Variants in BRD4 observed in about 807,000 individuals in gnomAD.
The protein encoded by BRD4 is bromodomain containing 4.
BRD4 carries 16 observed loss-of-function variants against 142.1 expected under a neutral mutation model. That is an observed-to-expected ratio of 0.11 (90% CI 0.08 to 0.17). The LOEUF (loss-of-function observed/expected upper bound fraction) is 0.17, where lower values mean the gene tolerates loss of function less well. BRD4 is among the 10% of genes least tolerant of loss of function. The probability of loss-of-function intolerance (pLI) is 1.00; values close to 1 mark genes in which losing one functional copy is unlikely to be tolerated. For synonymous variants in BRD4, 833 were observed against 707.5 expected (o/e 1.18, Z -2.82); for missense variants, 1,424 against 1,810.9 (o/e 0.79, Z 3.88).
Position 15,246,863 on chromosome 19 carries a change from C to T in BRD4, c.2159-2101G>A, listed in dbSNP as rs147879862. 1.3e-3 allele frequency among the ~76,000 whole-genome samples: 197 copies of T among 152,212 alleles called. 3 individuals carry two copies. Among genetic ancestry groups the T allele is most frequent in the African/African-American group, 4.6e-3 (192 of 41,538 alleles). The stretch of plus-strand genomic sequence containing the variant: ...TGGGGGAGAGAAGGCGGCATGTGCA[C>T]GGCAGACCCCCAGGACCAGATGCCT... On this transcript the variant is annotated intron_variant, in intron 11 of 19. Transcript: ENST00000679869.
intron 1 of BRD4, among the ~76,000 whole-genome samples, chr19:15,310,353 T>C (rs2047957009): frequency 1.0e-5 from 1 of 100,298 alleles, no homozygotes; most frequent in South Asian, 4.3e-4. Context: ...GGCTGATTTT[T>C]GGATTCCCCC....
rs1275494113 is a variant in BRD4 at position 15,264,497 on chromosome 19, G to A, written c.1119C>T (p.Ala373=). Residue 373 remains alanine, a synonymous_variant, in exon 6 of 20, where the codon GCC becomes GCT. Transcript: ENST00000679869. The stretch of plus-strand genomic sequence containing the variant: ...CGTCCACAGGCTTGTAGAAGGGCCA[G>A]GCGTAGGCGGCGTGCTTCTTGGCAA... ...EMFAKKHAAY[A]WPFYKPVDVE... 1.2e-6 allele frequency: 2 copies of A among 1,613,922 alleles called. No individual in the cohort carries two copies. The highest frequency in any genetic ancestry group is 2.7e-5 in the African/African-American group (2 of 74,958).
intron 1 of BRD4, among the ~76,000 whole-genome samples, chr19:15,315,916 G>A (rs967038176): frequency 1.3e-5 from 2 of 151,810 alleles, no homozygotes; most frequent in South Asian, 4.2e-4. Flanking sequence ...AGCACTTTGG[G>A]AGGCCGAGGC....
intron 1 of BRD4, among the ~76,000 whole-genome samples, chr19:15,277,477 G>T (rs528886772): frequency 6.6e-6 from 1 of 152,136 alleles, no homozygotes; most frequent in African/African-American, 2.4e-5. Context: ...TGATCAGCAA[G>T]TTGCTGTAAT....
chr19:15,241,805 CTTT>C (rs906788611), intron 14 of BRD4, among the ~76,000 whole-genome samples: 10 of 104,298 alleles, frequency 9.6e-5, no homozygotes, highest in East Asian at 2.8e-4. Flanking sequence ...TGGCACCTGA[CTTT>C]TTTTTTTTTT....
intron 1 of BRD4, chr19:15,332,039 G>T (rs973472144): frequency 7.2e-6 from 1 of 139,564 alleles, no homozygotes; most frequent in Non-Finnish European, 1.5e-5. Context: ...CGGCACCAAA[G>T]GCAGGACAGC....
intron 11 of BRD4, among the ~76,000 whole-genome samples, chr19:15,250,185 C>G (rs1049799014): frequency 6.6e-6 from 1 of 152,228 alleles, no homozygotes; most frequent in Non-Finnish European, 1.5e-5. Flanking sequence ...TCGCCCTCAC[C>G]CGCCCATGAA....
Position 15,264,574 on chromosome 19 carries a change from T to A in BRD4, c.1042A>T (p.Ser348Cys), listed in dbSNP as rs759815356. 6.2e-7 allele frequency: 1 copy of A among 1,614,190 alleles called. No individual in the cohort carries two copies. Among genetic ancestry groups the A allele is most frequent in the Non-Finnish European group, 8.5e-7 (1 of 1,180,026 alleles). ...CACTTGAGCTGCTCCGAGACCTTGC[T>A]GCTCTTCTCTGGTGCTGGGTGCTGC... ...SQQHPAPEKS[S>C]KVSEQLKCCS... The change falls in exon 6 of 20, where the codon AGC becomes TGC. Residue 348 changes from serine (S) to cysteine (C), a missense_variant. Ser to Cys is a moderately radical substitution (Grantham distance 112). Around this residue, in one of 16 missense-constraint regions of BRD4, gnomAD observed 86 missense variants for 79.9 expected, o/e 1.08. Transcript: ENST00000679869.
chr19:15,244,379 C>G lies in BRD4; in HGVS notation c.2433G>C (p.Gln811His). Residue 811 changes from glutamine to histidine, a missense_variant, in exon 13 of 20, where the codon CAG becomes CAC. Physicochemically the swap from Gln to His is conservative, Grantham distance 24. Around this residue, in one of 16 missense-constraint regions of BRD4, gnomAD observed 598 missense variants for 647.8 expected, o/e 0.92. Coordinates refer to ENST00000679869, the MANE Select transcript of BRD4 (RefSeq NM_001379291.1). The part of the protein sequence containing the change: ...IATQVPVLEP[Q>H]LPGSVFDPIG... ...TGGGGTCAAAGACGCTGCCTGGGAG[C>G]TGGGGCTCCAGGACGGGCACCTGGG... 2.0e-6 allele frequency: 3 copies of G among 1,510,040 alleles called. No individual in the cohort carries two copies. Among genetic ancestry groups the G allele is most frequent in the Non-Finnish European group, 1.8e-6 (2 of 1,120,292 alleles). 93.5% of individuals were successfully genotyped at this position (1,510,040 alleles called of 1,614,324 possible).
chr19:15,320,455 C>G (rs2048051938), intron 1 of BRD4, among the ~76,000 whole-genome samples: 1 of 152,074 alleles, frequency 6.6e-6, no homozygotes, highest in Admixed American at 6.5e-5. Flanking sequence ...CTAGTAATAA[C>G]AATATACCAT....
chr19:15,309,940 C>G (rs1018603364), intron 1 of BRD4, among the ~76,000 whole-genome samples: 1 of 152,170 alleles, frequency 6.6e-6, no homozygotes, highest in Non-Finnish European at 1.5e-5. Flanking sequence ...TCTGGCTTCA[C>G]CGGGGGCTCC....
Position 15,239,482 on chromosome 19 carries a change from G to A in BRD4, c.3486C>T (p.Ile1162=), listed in dbSNP as rs1279370273. ...MKPVDVGRPV[I]RPPEQNAPPP... The stretch of plus-strand genomic sequence containing the variant: ...GCGGTGCGTTCTGCTCTGGGGGCCG[G>A]ATCACAGGCCTCCCGACATCCACAG... The change falls in exon 17 of 20, where the codon ATC becomes ATT. Residue 1162 remains isoleucine, a synonymous_variant. Coordinates refer to ENST00000679869, the MANE Select transcript of BRD4 (RefSeq NM_001379291.1). This position sits in a 1 kb window ranked among gnomAD's most constrained non-coding sequence, Gnocchi z 7.4. 6.2e-7 allele frequency: 1 copy of A among 1,614,016 alleles called. No individual in the cohort carries two copies. Among genetic ancestry groups the A allele is most frequent in the Admixed American group, 1.7e-5 (1 of 59,998 alleles).
Position 15,254,275 on chromosome 19 carries a change from C to T in BRD4, c.2048-13G>A. The T allele has an allele frequency of 6.2e-7, 1 of 1,609,312 alleles. No homozygotes were observed. The highest frequency in any genetic ancestry group is 1.1e-5 in the South Asian group (1 of 90,992). On this transcript the variant is annotated splice_polypyrimidine_tract_variant and intron_variant, in intron 10 of 19. Transcript: ENST00000679869. The stretch of plus-strand genomic sequence containing the variant: ...TCAACTTTCTCAGCTGCAATCCAAG[C>T]AATGGGAGCTGGTCAGGCAGGGCTG...
intron 11 of BRD4, chr19:15,245,086 ACTATAGTGAC>A (rs1488953237): frequency 6.8e-6 from 3 of 441,834 alleles, no homozygotes; most frequent in Non-Finnish European, 1.2e-5. Flanking sequence ...TCAGTCACTC[ACTATAGTGAC>A]TGAGTGCATG....
At chr19:15,328,078 A>G (rs919276137) in intron 1 of BRD4, among the ~76,000 whole-genome samples, 5 of 152,206 alleles carry the variant, frequency 3.3e-5, no homozygotes, top group African/African-American at 1.2e-4. Flanking sequence ...CAATAATAGT[A>G]TGCTCAAATT....
chr19:15,238,601 G>C lies in BRD4; in HGVS notation c.4020+142C>G. 2.0e-6 allele frequency: 3 copies of C among 1,476,456 alleles called. No homozygotes were observed. The highest frequency in any genetic ancestry group is 2.7e-6 in the Non-Finnish European group (3 of 1,109,904). 91.5% of individuals were successfully genotyped at this position (1,476,456 alleles called of 1,614,324 possible). A position where few individuals can be genotyped will look rare whatever the true frequency, so the allele number is the denominator to read the frequency against. On this transcript the variant is annotated intron_variant, in intron 19 of 19. Coordinates refer to ENST00000679869, the MANE Select transcript of BRD4 (RefSeq NM_001379291.1). The surrounding 1 kb of genome is among the most constrained non-coding windows in gnomAD (Gnocchi z 7.2). ...TCCACACAGCACTCAGGGCCCTACAGCTGAGTCCAGAGGACCACATGCCGA... is the reference window on the plus strand; with the variant it reads ...TCCACACAGCACTCAGGGCCCTACACCTGAGTCCAGAGGACCACATGCCGA...
chr19:15,317,955 G>A (rs756954559), intron 1 of BRD4, among the ~76,000 whole-genome samples: 4 of 152,220 alleles, frequency 2.6e-5, no homozygotes, highest in Non-Finnish European at 4.4e-5. Context: ...CATATGAAGA[G>A]TCTCATACAC....
intron 1 of BRD4, among the ~76,000 whole-genome samples, chr19:15,288,667 T>G (rs1203483969): frequency 1.3e-5 from 2 of 152,172 alleles, no homozygotes; most frequent in African/African-American, 4.8e-5. Flanking sequence ...CACAGGCTGG[T>G]GCACTGCCCA....
chr19:15,256,396 A>G (rs1282148463), intron 8 of BRD4, 133 bp from the exon 9 acceptor site: 11 of 1,139,466 alleles, frequency 9.7e-6, no homozygotes, highest in Non-Finnish European at 1.4e-5. Flanking sequence ...TAGGGGAGGC[A>G]GGGGAAGGGA....
Sources: allele counts gnomAD v4.1 joint callset (sites outside exome capture counted in the v4.1 genomes callset), GRCh38; gene constraint gnomAD v4.1.1; regional missense constraint gnomAD v4.1.1; non-coding constraint Gnocchi (gnomAD v3.1); transcripts MANE v1.5; gene names NCBI Gene and HGNC (gene_info 2026-07-23, HGNC 2026-07-21).